The following PCDH15 variants were observed in gnomAD, a reference collection of about 807,000 sequenced individuals.
PCDH15 encodes the protein protocadherin-15.
Under a neutral mutation model 178.5 loss-of-function variants are expected in PCDH15, and 129 were observed. The observed-to-expected ratio is 0.72, with a 90% CI of 0.63 to 0.84. PCDH15 has a LOEUF of 0.84. Ranked by LOEUF, PCDH15 falls within the 40% of genes least tolerant of loss-of-function variation. PCDH15 has a pLI of 0.00. For missense variants in PCDH15, 2,230 were observed against 2,099.9 expected (o/e 1.06, Z -1.21); for synonymous variants, 800 against 732.0 (o/e 1.09, Z -1.50).
chr10:54,355,601 T>A (rs1944850384), intron 5 of PCDH15, among the ~76,000 whole-genome samples: 1 of 151,712 alleles, frequency 6.6e-6, no homozygotes, highest in Admixed American at 6.6e-5. Flanking sequence ...TCACAGACAA[T>A]CTGAAACCAT....
intron 2 of PCDH15, among the ~76,000 whole-genome samples, chr10:55,614,040 G>A (rs1843425485): frequency 6.6e-6 from 1 of 151,776 alleles, no homozygotes; most frequent in South Asian, 2.1e-4. Context: ...CTTGAACCGG[G>A]GAGACGGAGC....
intron 21 of PCDH15, among the ~76,000 whole-genome samples, chr10:53,973,293 G>T (rs1377670237): frequency 7.8e-6 from 1 of 127,626 alleles, no homozygotes; most frequent in Non-Finnish European, 1.6e-5. Context: ...GCCTGTCATG[G>T]GGTGGGGGGA....
intron 2 of PCDH15, among the ~76,000 whole-genome samples, chr10:55,008,092 A>G (rs1169285134): frequency 6.6e-6 from 1 of 152,172 alleles, no homozygotes; most frequent in Non-Finnish European, 1.5e-5. Context: ...TAATTGCCAC[A>G]TATTTGAAAG....
intron 2 of PCDH15, chr10:54,600,070 G>C: frequency 8.6e-7 from 1 of 1,158,622 alleles, no homozygotes; most frequent in Non-Finnish European, 1.3e-6. Flanking sequence ...GGAAATCGAG[G>C]AAGCTCCCAA....
intron 1 of PCDH15, among the ~76,000 whole-genome samples, chr10:54,796,270 CTA>C (rs1191299791): frequency 8.1e-4 from 65 of 80,310 alleles, no homozygotes; most frequent in Non-Finnish European, 1.2e-3. Flanking sequence ...ATCTATCTAT[CTA>C]TGTATCTATG....
At position 53,959,826 on chromosome 10, in the gene PCDH15, CA is replaced by C; in HGVS notation, c.3027del (p.Phe1009LeufsTer7). 6.2e-7 allele frequency: 1 copy of C among 1,613,832 alleles called. No individual in the cohort carries two copies. Among genetic ancestry groups the C allele is most frequent in the Non-Finnish European group, 8.5e-7 (1 of 1,179,800 alleles). On this transcript the variant is annotated frameshift_variant, in exon 23 of 38. Transcript: ENST00000644397. LOFTEE classifies it high-confidence loss of function. ...TTIFKLVVVAFDDGEPVMSSS... is the reference protein window; with the variant it reads ...TTIFKLVVVAXDDGEPVMSSS... The stretch of plus-strand genomic sequence containing the variant: ...CTGGACATCACAGGCTCCCCATCAT[CA>C]AAAGCAACCACCACCAACTTAAAAA...
chr10:55,486,755 C>T (rs1473623316), intron 2 of PCDH15, among the ~76,000 whole-genome samples: 3 of 150,892 alleles, frequency 2.0e-5, no homozygotes, highest in Non-Finnish European at 4.4e-5. Flanking sequence ...CATCCTCCTG[C>T]CTCTGCCTTC....
intron 2 of PCDH15, among the ~76,000 whole-genome samples, chr10:55,121,404 C>G (rs1200465920): frequency 6.6e-6 from 1 of 151,328 alleles, no homozygotes; most frequent in Admixed American, 6.6e-5. Context: ...TTGAGTTCCA[C>G]CGATATCTGC....
intron 21 of PCDH15, among the ~76,000 whole-genome samples, chr10:53,979,600 A>G (rs1365582806): frequency 1.3e-5 from 2 of 152,208 alleles, no homozygotes; most frequent in Admixed American, 6.5e-5. Context: ...GTCTCTCAAG[A>G]TGGTGGACAA....
chr10:55,483,815 C>CAAAAAAAA (rs71014494), intron 2 of PCDH15, among the ~76,000 whole-genome samples: 3 of 111,230 alleles, frequency 2.7e-5, no homozygotes, highest in South Asian at 2.8e-4. Context: ...GACTCCATCT[C>CAAAAAAAA]AAAAAAAAAA....
In PCDH15 at chr10:55,623,054, C is replaced by T. The variant is rs372796998; in HGVS notation, c.-156+4571G>A. On this transcript the variant is annotated intron_variant, in intron 2 of 5. Transcript: ENST00000613346. ...TTTTCCATATTTTCAAACATGTTCT[C>T]GAACATGTGTTTGACCTTTCCGAAG... Among the ~76,000 whole-genome samples, 12 of 152,278 alleles carry T rather than the reference C, an allele frequency of 7.9e-5. No homozygotes were observed. In the East Asian group the frequency reaches 1.2e-3, roughly 15 times the overall value.
At chr10:54,375,878 G>A (rs1018098276) in intron 4 of PCDH15, among the ~76,000 whole-genome samples, 4 of 100,586 alleles carry the variant, frequency 4.0e-5, no homozygotes, top group Admixed American at 1.8e-4. Context: ...TTTTTGAAAC[G>A]GAATATATAT....
At chr10:54,144,225 C>T (rs767636026) in intron 14 of PCDH15, among the ~76,000 whole-genome samples, 1 of 152,044 alleles carries the variant, frequency 6.6e-6, no homozygotes, top group South Asian at 2.1e-4. Context: ...GCCAGAAAGA[C>T]TGACAACCAG....
intron 2 of PCDH15, among the ~76,000 whole-genome samples, chr10:55,444,612 A>C (rs1055089284): frequency 3.9e-5 from 6 of 152,180 alleles, no homozygotes; most frequent in Non-Finnish European, 8.8e-5. Flanking sequence ...GTTAGGTAAT[A>C]AAGTAAAACA....
intron 2 of PCDH15, among the ~76,000 whole-genome samples, chr10:55,627,370 G>C (rs1355178185): frequency 6.6e-6 from 1 of 152,018 alleles, no homozygotes; most frequent in Non-Finnish European, 1.5e-5. Flanking sequence ...AATCTGCAAG[G>C]TATCAACTTC....
In PCDH15 at chr10:54,724,794, T is replaced by C. The variant is rs183005869; in HGVS notation, c.-28-60504A>G. On this transcript the variant is annotated intron_variant, in intron 1 of 37. Transcript: ENST00000644397. ...GTGTGTTAGTATACATATATACATA[T>C]ATATAATTTTAGATTCAGGTGGCAC... 3.1e-3 allele frequency among the ~76,000 whole-genome samples: 469 copies of C among 151,188 alleles called. 3 individuals are homozygous for C. Among genetic ancestry groups the C allele is most frequent in the Non-Finnish European group, 3.1e-3 (210 of 67,612 alleles).
chr10:55,348,047 C>A (rs1844810426), intron 2 of PCDH15, among the ~76,000 whole-genome samples: 1 of 151,932 alleles, frequency 6.6e-6, no homozygotes, highest in Non-Finnish European at 1.5e-5. Context: ...ACAAAAATTT[C>A]CATGAGTATT....
At chr10:54,102,237 T>C (rs889846851) in intron 15 of PCDH15, among the ~76,000 whole-genome samples, 2 of 152,142 alleles carry the variant, frequency 1.3e-5, no homozygotes, top group African/African-American at 2.4e-5. Context: ...AGTCTGAAAC[T>C]AGGCTATCTG....
intron 15 of PCDH15, among the ~76,000 whole-genome samples, chr10:54,113,069 T>G (rs2095053628): frequency 1.3e-5 from 2 of 152,194 alleles, no homozygotes; most frequent in Admixed American, 1.3e-4. Flanking sequence ...TATTTTGTGG[T>G]GCCTAAAGCA....
Sources: allele counts gnomAD v4.1 joint callset (sites outside exome capture counted in the v4.1 genomes callset), GRCh38; gene constraint gnomAD v4.1.1; transcripts MANE v1.5; gene names NCBI Gene and HGNC (gene_info 2026-07-23, HGNC 2026-07-21).